Variants in EPO observed in about 807,000 individuals in gnomAD.
EPO encodes epoetin.
Under a neutral mutation model 24.4 loss-of-function variants are expected in EPO, and 12 were observed. The observed-to-expected ratio is 0.49, with a 90% CI of 0.32 to 0.80. The LOEUF is 0.80. Ranked by LOEUF, EPO falls within the 30% of genes least tolerant of loss-of-function variation. The pLI is 0.04. For synonymous variants in EPO, 107 were observed against 104.0 expected (o/e 1.03, Z -0.18); for missense variants, 210 against 238.0 (o/e 0.88, Z 0.77).
intron 3 of EPO, among the ~76,000 whole-genome samples, chr7:100,722,421 G>A (rs1167090025): frequency 6.6e-6 from 1 of 152,078 alleles, no homozygotes; most frequent in African/African-American, 2.4e-5. Flanking sequence ...CTGCACTCCA[G>A]CCTCAGTGAC....
In EPO at chr7:100,723,515, T is replaced by G. The variant is rs564449; in HGVS notation, c.*382T>G. 149,273 of 165,886 alleles carry G rather than the reference T, an allele frequency of 0.9. 67,287 individuals are homozygous for G. The highest frequency in any genetic ancestry group is 0.98 in the Middle Eastern group (344 of 350). The allele number at this position is 165,886 out of a possible 1,614,324, so 10.3% of individuals were successfully genotyped here. On this transcript the variant is annotated 3_prime_UTR_variant, in exon 5 of 5. Coordinates refer to ENST00000252723, the MANE Select transcript of EPO (RefSeq NM_000799.4). ...ACCATCAGGGACAGGATGACCTGGA[T>G]AACTTAGGTGGCAAGCTGTGACTTC...
At position 100,721,724 on chromosome 7, in the gene EPO, C is replaced by CA. The variant is rs1806743626; in HGVS notation, c.159+22dup. 1.2e-6 allele frequency: 2 copies of CA among 1,603,312 alleles called. No individual in the cohort carries two copies. Among genetic ancestry groups the CA allele is most frequent in the East Asian group, 4.5e-5 (2 of 44,874 alleles). On this transcript the variant is annotated intron_variant, in intron 2 of 4. Transcript: ENST00000252723. The surrounding 1 kb of genome is among the most constrained non-coding windows in gnomAD (Gnocchi z 4.0). ...TCACGGTGAGACCCCTTCCCCAGCA[C>CA]ATTCCACAGAACTCACGCTCAGGGC...
rs1437973894 is a variant in EPO, at chr7:100,721,927, G to A, written c.160-35G>A. On this transcript the variant is annotated intron_variant, in intron 2 of 4. Transcript: ENST00000252723. This position sits in a 1 kb window ranked among gnomAD's most constrained non-coding sequence, Gnocchi z 4.0. Reference sequence around the variant, plus strand: ...CTGTGGGCCAGGGCCAGAGCCTTCAGGGACCCTTGACTCCCCGGGCTGTGT... The same window carrying A: ...CTGTGGGCCAGGGCCAGAGCCTTCAAGGACCCTTGACTCCCCGGGCTGTGT... 24 of 1,589,580 alleles carry A rather than the reference G, an allele frequency of 1.5e-5. No homozygotes were observed. Among genetic ancestry groups the A allele is most frequent in the Non-Finnish European group, 2.0e-5 (24 of 1,172,550 alleles).
rs1480912645 is a variant in EPO, at chr7:100,721,981, G to A, written c.179G>A (p.Cys60Tyr). The A allele has an allele frequency of 5.0e-6, 8 of 1,613,496 alleles. No individual in the cohort carries two copies. The highest frequency in any genetic ancestry group is 6.8e-6 in the Non-Finnish European group (8 of 1,179,872). Residue 60 changes from cysteine to tyrosine, a missense_variant, in exon 3 of 5, where the codon TGC becomes TAC. Cys to Tyr is a radical substitution (Grantham distance 194). Transcript: ENST00000252723. This position sits in a 1 kb window ranked among gnomAD's most constrained non-coding sequence, Gnocchi z 4.0. ...TTTCAGACGGGCTGTGCTGAACACT[G>A]CAGCTTGAATGAGAATATCACTGTC... ...ENITTGCAEH[C>Y]SLNENITVPD...
Position 100,723,299 on chromosome 7 carries a change from T to C in EPO, c.*166T>C. ...ATGACATCTCAGGGGCCAGAGGAACTGTCCAGAGAGCAACTCTGAGATCTA... is the reference window on the plus strand; with the variant it reads ...ATGACATCTCAGGGGCCAGAGGAACCGTCCAGAGAGCAACTCTGAGATCTA... On this transcript the variant is annotated 3_prime_UTR_variant, in exon 5 of 5. Coordinates refer to ENST00000252723, the MANE Select transcript of EPO (RefSeq NM_000799.4). 1 of 777,722 alleles carries C rather than the reference T, an allele frequency of 1.3e-6. No individual in the cohort carries two copies. The highest frequency in any genetic ancestry group is 2.0e-6 in the Non-Finnish European group (1 of 498,248). The allele number at this position is 777,722 out of a possible 1,614,324, so 48.2% of individuals were successfully genotyped here.
rs1269694686 is a variant in EPO, at chr7:100,721,980, T to A, written c.178T>A (p.Cys60Ser). Reference protein sequence around the residue: ...ENITTGCAEHCSLNENITVPD... With the variant: ...ENITTGCAEHSSLNENITVPD... ...ATTTCAGACGGGCTGTGCTGAACAC[T>A]GCAGCTTGAATGAGAATATCACTGT... is the stretch of plus-strand genomic sequence containing the variant. The change falls in exon 3 of 5, where the codon TGC becomes AGC. Residue 60 changes from cysteine to serine, a missense_variant. Cys to Ser is a moderately radical substitution (Grantham distance 112). Coordinates refer to ENST00000252723, the MANE Select transcript of EPO (RefSeq NM_000799.4). The surrounding 1 kb of genome is among the most constrained non-coding windows in gnomAD (Gnocchi z 4.0). 1 of 1,613,322 alleles carries A rather than the reference T, an allele frequency of 6.2e-7. No homozygotes were observed. Among genetic ancestry groups the A allele is most frequent in the Admixed American group, 1.7e-5 (1 of 59,782 alleles).
Position 100,721,615 on chromosome 7 carries a change from C to T in EPO, c.71C>T (p.Pro24Leu), listed in dbSNP as rs1305367380. 2 of 1,614,032 alleles carry T rather than the reference C, an allele frequency of 1.2e-6. No homozygotes were observed. Among genetic ancestry groups the T allele is most frequent in the South Asian group, 2.2e-5 (2 of 91,088 alleles). ...LSLLSLPLGL[P>L]VLGAPPRLIC... Reference sequence around the variant, plus strand: ...CTGCTGTCGCTCCCTCTGGGCCTCCCAGTCCTGGGCGCCCCACCACGCCTC... The same window carrying T: ...CTGCTGTCGCTCCCTCTGGGCCTCCTAGTCCTGGGCGCCCCACCACGCCTC... The change falls in exon 2 of 5, where the codon CCA (proline) becomes CTA (leucine). Residue 24 changes from proline (P) to leucine (L), a missense_variant. Coordinates refer to ENST00000252723, the MANE Select transcript of EPO (RefSeq NM_000799.4). This position sits in a 1 kb window ranked among gnomAD's most constrained non-coding sequence, Gnocchi z 4.0.
At chr7:100,722,262 C>G (rs1806753350) in intron 3 of EPO, among the ~76,000 whole-genome samples, 1 of 151,886 alleles carries the variant, frequency 6.6e-6, no homozygotes, top group South Asian at 2.1e-4. Context: ...ACCTAGGCAG[C>G]ATAGTGAGAT....
Position 100,722,847 on chromosome 7 carries a change from A to G in EPO, c.426+4A>G. 6.2e-7 allele frequency: 1 copy of G among 1,612,816 alleles called. No individual in the cohort carries two copies. The highest frequency in any genetic ancestry group is 8.5e-7 in the Non-Finnish European group (1 of 1,179,584). On this transcript the variant is annotated splice_donor_region_variant and intron_variant, in intron 4 of 4. Transcript: ENST00000252723. ...GCTTCGGGCTCTGGGAGCCCAGGTGAGTAGGAGCGGACACTTCTGCTTGCC... is the reference window on the plus strand; with the variant it reads ...GCTTCGGGCTCTGGGAGCCCAGGTGGGTAGGAGCGGACACTTCTGCTTGCC...
At position 100,722,791 on chromosome 7, in the gene EPO, C is replaced by A; in HGVS notation, c.374C>A (p.Ala125Asp). 6.2e-7 allele frequency: 1 copy of A among 1,614,074 alleles called. No homozygotes were observed. The highest frequency in any genetic ancestry group is 8.5e-7 in the Non-Finnish European group (1 of 1,180,010). ...CCCCTGCAGCTGCATGTGGATAAAGCCGTCAGTGGCCTTCGCAGCCTCACC... is the reference window on the plus strand; with the variant it reads ...CCCCTGCAGCTGCATGTGGATAAAGACGTCAGTGGCCTTCGCAGCCTCACC... ...WEPLQLHVDK[A>D]VSGLRSLTTL... The change falls in exon 4 of 5, where the codon GCC (alanine) becomes GAC (aspartate). Residue 125 changes from alanine to aspartate, a missense_variant. By Grantham distance (126) the Ala-to-Asp change is moderately radical. Transcript: ENST00000252723.
In EPO at chr7:100,720,490, G is replaced by A. The variant is rs774681716; in HGVS notation, c.-491G>A. On this transcript the variant is annotated 5_prime_UTR_variant, in exon 1 of 5. Coordinates refer to ENST00000252723, the MANE Select transcript of EPO (RefSeq NM_000799.4). ...CAGCCTTTCCCAGATAGCACGCTCCGCCAGTCCCAAGGGTGCGCAACCGGC... is the reference window on the plus strand; with the variant it reads ...CAGCCTTTCCCAGATAGCACGCTCCACCAGTCCCAAGGGTGCGCAACCGGC... Among the ~76,000 whole-genome samples, 3 of 152,046 alleles carry A rather than the reference G, an allele frequency of 2.0e-5. No homozygotes were observed. The highest frequency in any genetic ancestry group is 4.8e-5 in the African/African-American group (2 of 41,410).
Position 100,721,483 on chromosome 7 carries a change from G to A in EPO, c.14-75G>A, listed in dbSNP as rs1255296504. 6.4e-7 allele frequency: 1 copy of A among 1,555,932 alleles called. No individual in the cohort carries two copies. The highest frequency in any genetic ancestry group is 1.4e-5 in the African/African-American group (1 of 73,778). On this transcript the variant is annotated intron_variant, in intron 1 of 4. Coordinates refer to ENST00000252723, the MANE Select transcript of EPO (RefSeq NM_000799.4). The surrounding 1 kb of genome is among the most constrained non-coding windows in gnomAD (Gnocchi z 4.0). ...AGGACGAGCTGGGGCAGAGACGTGG[G>A]GATGAAGGAAGCTGTCCTTCCACAG...
In EPO at chr7:100,720,560, A is replaced by G. The variant is rs1233368700; in HGVS notation, c.-421A>G. Among the ~76,000 whole-genome samples, 2 of 151,688 alleles carry G rather than the reference A, an allele frequency of 1.3e-5. No homozygotes were observed. The highest frequency in any genetic ancestry group is 6.6e-5 in the Admixed American group (1 of 15,244). The stretch of plus-strand genomic sequence containing the variant: ...CCAGGGCCCGGGAGCAGCCCCCATG[A>G]CCCACACGCACGTCTGCAGCAGCCC... On this transcript the variant is annotated 5_prime_UTR_variant, in exon 1 of 5. Coordinates refer to ENST00000252723, the MANE Select transcript of EPO (RefSeq NM_000799.4).
chr7:100,721,880 C>G lies in EPO; in HGVS notation c.160-82C>G, dbSNP rs1159649852. On this transcript the variant is annotated intron_variant, in intron 2 of 4. Transcript: ENST00000252723. The surrounding 1 kb of genome is among the most constrained non-coding windows in gnomAD (Gnocchi z 4.0). ...CCATACCTGGAAACTAGGCAAGGAGCAAAGCCAGCAGATCCTACGGCCTGT... is the reference window on the plus strand; with the variant it reads ...CCATACCTGGAAACTAGGCAAGGAGGAAAGCCAGCAGATCCTACGGCCTGT... The G allele has an allele frequency of 6.5e-7, 1 of 1,540,890 alleles. No individual in the cohort carries two copies. The highest frequency in any genetic ancestry group is 1.4e-5 in the African/African-American group (1 of 71,970).
chr7:100,723,240 G>T lies in EPO; in HGVS notation c.*107G>T. 8 of 1,365,962 alleles carry T rather than the reference G, an allele frequency of 5.9e-6. No homozygotes were observed. Among genetic ancestry groups the T allele is most frequent in the Non-Finnish European group, 8.1e-6 (8 of 991,316 alleles). 84.6% of individuals were successfully genotyped at this position (1,365,962 alleles called of 1,614,324 possible). On this transcript the variant is annotated 3_prime_UTR_variant, in exon 5 of 5. Coordinates refer to ENST00000252723, the MANE Select transcript of EPO (RefSeq NM_000799.4). The stretch of plus-strand genomic sequence containing the variant: ...CCCGTCGAGGGGCTCTCAGCTCAGC[G>T]CCAGCCTGTCCCATGGACACTCCAG...
In EPO at chr7:100,723,160, A is replaced by C; in HGVS notation, c.*27A>C. On this transcript the variant is annotated 3_prime_UTR_variant, in exon 5 of 5. Coordinates refer to ENST00000252723, the MANE Select transcript of EPO (RefSeq NM_000799.4). ...CAGGTGTGTCCACCTGGGCATATCCACCACCTCCCTCACCAACATTGCTTG... is the reference window on the plus strand; with the variant it reads ...CAGGTGTGTCCACCTGGGCATATCCCCCACCTCCCTCACCAACATTGCTTG... The C allele has an allele frequency of 6.3e-7, 1 of 1,598,846 alleles. No homozygotes were observed. The highest frequency in any genetic ancestry group is 8.5e-7 in the Non-Finnish European group (1 of 1,171,994).
rs766552442 is a variant in EPO, at chr7:100,721,654, G to A, written c.110G>A (p.Arg37Gln). The change falls in exon 2 of 5, where the codon CGA becomes CAA. Residue 37 changes from arginine to glutamine, a missense_variant. Transcript: ENST00000252723. This position sits in a 1 kb window ranked among gnomAD's most constrained non-coding sequence, Gnocchi z 4.0. ...GAPPRLICDS[R>Q]VLERYLLEAK... The stretch of plus-strand genomic sequence containing the variant: ...CCACCACGCCTCATCTGTGACAGCC[G>A]AGTCCTGGAGAGGTACCTCTTGGAG... 8.7e-6 allele frequency: 14 copies of A among 1,613,136 alleles called. No homozygotes were observed. The highest frequency in any genetic ancestry group is 4.5e-5 in the East Asian group (2 of 44,896).
In EPO at chr7:100,720,735, C is replaced by T. The variant is rs371400417; in HGVS notation, c.-246C>T. 4 of 402,442 alleles carry T rather than the reference C, an allele frequency of 9.9e-6. No individual in the cohort carries two copies. In the East Asian group the frequency reaches 1.5e-4, roughly 15 times the overall value. The allele number at this position is 402,442 out of a possible 1,614,324, so 24.9% of individuals were successfully genotyped here. A position where few individuals can be genotyped will look rare whatever the true frequency, so the allele number is the denominator to read the frequency against. ...TGCAGATAACAGCCCCGACCCCCGG[C>T]CAGAGCCGCAGAGTCCCTGGGCCAC... is the stretch of plus-strand genomic sequence containing the variant. On this transcript the variant is annotated 5_prime_UTR_variant, in exon 1 of 5. Coordinates refer to ENST00000252723, the MANE Select transcript of EPO (RefSeq NM_000799.4).
In EPO at chr7:100,722,057, C is replaced by CTTT. The variant is rs111249118; in HGVS notation, c.246+22_246+24dup. 54 of 1,382,286 alleles carry CTTT rather than the reference C, an allele frequency of 3.9e-5. No individual in the cohort carries two copies. Among genetic ancestry groups the CTTT allele is most frequent in the East Asian group, 9.6e-5 (4 of 41,676 alleles). 85.6% of individuals were successfully genotyped at this position (1,382,286 alleles called of 1,614,324 possible). A position where few individuals can be genotyped will look rare whatever the true frequency, so the allele number is the denominator to read the frequency against. ...CCTGGAAGAGGATGGAGGTGAGTTC[C>CTTT]TTTTTTTTTTTTTTTCCTTTCTTTT... On this transcript the variant is annotated intron_variant, in intron 3 of 4. Coordinates refer to ENST00000252723, the MANE Select transcript of EPO (RefSeq NM_000799.4).
Sources: allele counts gnomAD v4.1 joint callset (sites outside exome capture counted in the v4.1 genomes callset), GRCh38; gene constraint gnomAD v4.1.1; non-coding constraint Gnocchi (gnomAD v3.1); transcripts MANE v1.5; gene names NCBI Gene and HGNC (gene_info 2026-07-23, HGNC 2026-07-21).